KCNQ1: variants seen among roughly 807,000 people sequenced by gnomAD.
KCNQ1 encodes potassium voltage-gated channel subfamily Q member 1, also known as potassium voltage-gated channel subfamily KQT member 1.
Under a neutral mutation model 72.4 loss-of-function variants are expected in KCNQ1, and 49 were observed. That is an observed-to-expected ratio of 0.68 (90% CI 0.54 to 0.86). The LOEUF (loss-of-function observed/expected upper bound fraction) is 0.86, where lower values mean the gene tolerates loss of function less well. Ranked by LOEUF, KCNQ1 falls within the 40% of genes least tolerant of loss-of-function variation. The pLI, the probability that KCNQ1 is intolerant of heterozygous loss-of-function variation, is 0.00. For synonymous variants in KCNQ1, 450 were observed against 412.6 expected, an observed-to-expected ratio of 1.09 and a Z score of -1.10; for missense variants, 790 against 945.1, an observed-to-expected ratio of 0.84 and a Z score of 2.15.
rs1847274890 is a variant in KCNQ1, at chr11:2,515,548, A to T, written c.387-12380A>T. On this transcript the variant is annotated intron_variant, in intron 1 of 15. Coordinates refer to ENST00000155840, the MANE Select transcript of KCNQ1 (RefSeq NM_000218.3). The surrounding 1 kb of genome is among the most constrained non-coding windows in gnomAD (Gnocchi z 4.7). ...GTGAGGGGACAAGGCTGCTGGGACC[A>T]GGCCTCGCCCAGGCAGAGCCTCGCC... Among the ~76,000 whole-genome samples the T allele has an allele frequency of 6.6e-6, 1 of 151,722 alleles. No homozygotes were observed. Among genetic ancestry groups the T allele is most frequent in the Non-Finnish European group, 1.5e-5 (1 of 67,892 alleles).
At position 2,498,765 on chromosome 11, in the gene KCNQ1, T is replaced by A. The variant is rs187077662; in HGVS notation, c.387-29163T>A. ...ACTCCTGCAGCTAGTTCAATGTCTG[T>A]CCAAACAGCAACTCAGTTTTGTGCT... On this transcript the variant is annotated intron_variant, in intron 1 of 15. Coordinates refer to ENST00000155840, the MANE Select transcript of KCNQ1 (RefSeq NM_000218.3). The surrounding 1 kb of genome is among the most constrained non-coding windows in gnomAD (Gnocchi z 4.8). 5.3e-5 allele frequency among the ~76,000 whole-genome samples: 8 copies of A among 152,260 alleles called. No homozygotes were observed. In the East Asian group the frequency reaches 1.5e-3, roughly 29 times the overall value.
chr11:2,668,343 C>G lies in KCNQ1; in HGVS notation c.1514+6262C>G, dbSNP rs553585367. Reference sequence around the variant, plus strand: ...TGCCTATGTGTGGAGCTGCAGGGTCCTGGGTGGGCATATGTTTACTCTTAG... The same window carrying G: ...TGCCTATGTGTGGAGCTGCAGGGTCGTGGGTGGGCATATGTTTACTCTTAG... On this transcript the variant is annotated intron_variant, in intron 11 of 15. Coordinates refer to ENST00000155840, the MANE Select transcript of KCNQ1 (RefSeq NM_000218.3). The surrounding 1 kb of genome is among the most constrained non-coding windows in gnomAD (Gnocchi z 4.3). 1 of 398,580 alleles carries G rather than the reference C, an allele frequency of 2.5e-6. No homozygotes were observed. The highest frequency in any genetic ancestry group is 1.3e-4 in the South Asian group (1 of 7,850). The allele number at this position is 398,580 out of a possible 1,614,324, so 24.7% of individuals were successfully genotyped here. A position where few individuals can be genotyped will look rare whatever the true frequency, so the allele number is the denominator to read the frequency against.
In KCNQ1 at chr11:2,836,354, C is replaced by T. The variant is rs188948163; in HGVS notation, c.1795-11413C>T. ...GTGCAGGGAGGCCCATCTGTCCATC[C>T]GTCTGTCTGTGGGGAGGCATGGTGA... On this transcript the variant is annotated intron_variant, in intron 15 of 15. Coordinates refer to ENST00000155840, the MANE Select transcript of KCNQ1 (RefSeq NM_000218.3). Among the ~76,000 whole-genome samples, 546 of 152,266 alleles carry T rather than the reference C, an allele frequency of 3.6e-3. 4 individuals are homozygous for T. The highest frequency in any genetic ancestry group is 0.012 in the African/African-American group (504 of 41,546).
rs1288893362 is a variant in KCNQ1, at chr11:2,766,698, G to A, written c.1515-2146G>A. ...ACCTAAAATTCTCACCCAATTACAT[G>A]TGGCATCATGCTCAAAGTCCGACAT... On this transcript the variant is annotated intron_variant, in intron 11 of 15. Transcript: ENST00000155840. The surrounding 1 kb of genome is among the most constrained non-coding windows in gnomAD (Gnocchi z 4.4). 6.6e-6 allele frequency among the ~76,000 whole-genome samples: 1 copy of A among 152,138 alleles called. No homozygotes were observed. The highest frequency in any genetic ancestry group is 1.5e-5 in the Non-Finnish European group (1 of 68,028).
rs1846870656 is a variant in KCNQ1 at position 2,493,801 on chromosome 11, T to A, written c.387-34127T>A. On this transcript the variant is annotated intron_variant, in intron 1 of 15. Transcript: ENST00000155840. The surrounding 1 kb of genome is among the most constrained non-coding windows in gnomAD (Gnocchi z 5.3). ...TAGTGTGATGCCTCCAGCTTTGTTC[T>A]TTTTACTTAGGATTGTCTTGGCTAT... Among the ~76,000 whole-genome samples the A allele has an allele frequency of 1.3e-5, 2 of 152,218 alleles. No individual in the cohort carries two copies. The highest frequency in any genetic ancestry group is 2.9e-5 in the Non-Finnish European group (2 of 68,028).
At chr11:2,726,409 G>A (rs1378283447) in intron 11 of KCNQ1, among the ~76,000 whole-genome samples, 1 of 152,156 alleles carries the variant, frequency 6.6e-6, no homozygotes, top group African/African-American at 2.4e-5. Flanking sequence ...GCCAGCAGTA[G>A]GTTTCCAAAA....
chr11:2,754,752 A>C (rs910339171), intron 11 of KCNQ1, among the ~76,000 whole-genome samples: 6 of 152,226 alleles, frequency 3.9e-5, no homozygotes, highest in Non-Finnish European at 8.8e-5. Context: ...CTCTTACTGG[A>C]TAATATACGT....
chr11:2,788,123 G>T (rs1185778227), intron 15 of KCNQ1, among the ~76,000 whole-genome samples: 1 of 152,130 alleles, frequency 6.6e-6, no homozygotes, highest in African/African-American at 2.4e-5. Context: ...CACTCCAGTA[G>T]TTGCCATCTC....
In KCNQ1 at chr11:2,537,916, A is replaced by T. The variant is rs1847761241; in HGVS notation, c.477+9898A>T. ...TTTTTTGTAGAGATAGGGTTTTGCCATGTTACCTAGGCTGGTCTTAAACTC... is the reference window on the plus strand; with the variant it reads ...TTTTTTGTAGAGATAGGGTTTTGCCTTGTTACCTAGGCTGGTCTTAAACTC... On this transcript the variant is annotated intron_variant, in intron 2 of 15. Transcript: ENST00000155840. This position sits in a 1 kb window ranked among gnomAD's most constrained non-coding sequence, Gnocchi z 5.2. Among the ~76,000 whole-genome samples, 1 of 152,058 alleles carries T rather than the reference A, an allele frequency of 6.6e-6. No individual in the cohort carries two copies. The highest frequency in any genetic ancestry group is 1.5e-5 in the Non-Finnish European group (1 of 68,026).
At position 2,627,443 on chromosome 11, in the gene KCNQ1, A is replaced by G. The variant is rs1778312332; in HGVS notation, c.1394-34518A>G. 2.5e-6 allele frequency: 1 copy of G among 398,492 alleles called. No individual in the cohort carries two copies. The highest frequency in any genetic ancestry group is 4.4e-6 in the Non-Finnish European group (1 of 226,030). 24.7% of individuals were successfully genotyped at this position (398,492 alleles called of 1,614,324 possible). On this transcript the variant is annotated intron_variant, in intron 10 of 15. Transcript: ENST00000155840. The surrounding 1 kb of genome is among the most constrained non-coding windows in gnomAD (Gnocchi z 4.9). ...GATAACTCTATGTTTGTACCCTTCAACATTTCCTATTTCCCCTACTCCCTG... is the reference window on the plus strand; with the variant it reads ...GATAACTCTATGTTTGTACCCTTCAGCATTTCCTATTTCCCCTACTCCCTG...
rs555066056 is a variant in KCNQ1, at chr11:2,506,943, G to A, written c.387-20985G>A. 3.5e-4 allele frequency among the ~76,000 whole-genome samples: 53 copies of A among 152,192 alleles called. 1 individual carries two copies. In the South Asian group the frequency reaches 0.011, roughly 32 times the overall value. On this transcript the variant is annotated intron_variant, in intron 1 of 15. Transcript: ENST00000155840. ...TGGTTCTTGGTCTCTCAATTTTTAAGTCATTTATATTGTGGGAACGTTTGT... is the reference window on the plus strand; with the variant it reads ...TGGTTCTTGGTCTCTCAATTTTTAAATCATTTATATTGTGGGAACGTTTGT...
intron 11 of KCNQ1, chr11:2,675,888 T>C (rs1850285097): frequency 2.5e-6 from 1 of 398,704 alleles, no homozygotes; most frequent in Non-Finnish European, 4.4e-6. Context: ...TCGTGCTTTA[T>C]GTATTCAAGG....
chr11:2,815,784 C>T lies in KCNQ1; in HGVS notation c.1795-31983C>T, dbSNP rs537451382. 6.6e-6 allele frequency among the ~76,000 whole-genome samples: 1 copy of T among 152,228 alleles called. No individual in the cohort carries two copies. The highest frequency in any genetic ancestry group is 2.1e-4 in the South Asian group (1 of 4,822). On this transcript the variant is annotated intron_variant, in intron 15 of 15. Coordinates refer to ENST00000155840, the MANE Select transcript of KCNQ1 (RefSeq NM_000218.3). This position sits in a 1 kb window ranked among gnomAD's most constrained non-coding sequence, Gnocchi z 5.4. Reference sequence around the variant, plus strand: ...CCCTGGAGGTACTGGGTGGAGCTGCCCCCAGCCCTTCCTGCTGGCCTCCCC... The same window carrying T: ...CCCTGGAGGTACTGGGTGGAGCTGCTCCCAGCCCTTCCTGCTGGCCTCCCC...
At chr11:2,445,517 A>T (rs567761217) in intron 1 of KCNQ1, 33 bp downstream of exon 1, 3 of 1,583,066 alleles carry the variant, frequency 1.9e-6, no homozygotes, top group African/African-American at 2.7e-5. Context: ...GCCGGCACGA[A>T]GGTGCTTCCT....
At chr11:2,487,362 C>T (rs993335230) in intron 1 of KCNQ1, among the ~76,000 whole-genome samples, 2 of 152,124 alleles carry the variant, frequency 1.3e-5, no homozygotes, top group African/African-American at 4.8e-5. Flanking sequence ...TTTTAAGTTC[C>T]TTGAGATTCC....
At chr11:2,502,517 A>T (rs1479129932) in intron 1 of KCNQ1, among the ~76,000 whole-genome samples, 24 of 152,318 alleles carry the variant, frequency 1.6e-4, no homozygotes, top group African/African-American at 5.8e-4. Flanking sequence ...ATTATAATAC[A>T]CTGATGCAAG....
At chr11:2,454,788 A>G (rs961868131) in intron 1 of KCNQ1, among the ~76,000 whole-genome samples, 1 of 152,234 alleles carries the variant, frequency 6.6e-6, no homozygotes, top group Admixed American at 6.5e-5. Context: ...AGAGCCATCT[A>G]TGACAAACCC....
chr11:2,686,462 G>A (rs1850491778), intron 11 of KCNQ1: 6 of 398,610 alleles, frequency 1.5e-5, no homozygotes, highest in Non-Finnish European at 2.7e-5. Context: ...CAATTGTTTT[G>A]AAATAATTCC....
intron 1 of KCNQ1, among the ~76,000 whole-genome samples, chr11:2,490,011 G>C (rs1007919156): frequency 6.6e-6 from 1 of 152,166 alleles, no homozygotes; most frequent in Non-Finnish European, 1.5e-5. Context: ...AGCATTTCTG[G>C]ACCTGCTCTA....
Sources: gnomAD v4.1 joint callset for allele counts (sites outside exome capture counted in the v4.1 genomes callset) on GRCh38, gnomAD v4.1.1 for gene constraint, Gnocchi (gnomAD v3.1) non-coding constraint, MANE v1.5 for transcripts, NCBI Gene and HGNC (gene_info 2026-07-23, HGNC 2026-07-21) for gene names.